RAB39A: variants seen among roughly 807,000 people sequenced by gnomAD.
RAB39A encodes RAB39A, member RAS oncogene family.
Under a neutral mutation model 20.9 loss-of-function variants are expected in RAB39A, and 17 were observed. The observed-to-expected ratio is 0.81, with a 90% CI of 0.56 to 1.22. RAB39A has a LOEUF of 1.22. Among genes scored for constraint, RAB39A ranks in the 50% most tolerant of loss-of-function variants. The pLI is 0.00. For missense variants in RAB39A, 234 were observed against 270.5 expected (o/e 0.87, Z 0.95); for synonymous variants, 99 against 103.4 (o/e 0.96, Z 0.26).
At chr11:107,943,940 C>T (rs1861284013) in intron 1 of RAB39A, among the ~76,000 whole-genome samples, 1 of 151,900 alleles carries the variant, frequency 6.6e-6, no homozygotes, top group Admixed American at 6.6e-5. Context: ...ACTAAAAATA[C>T]AAAAATTAGC....
In RAB39A at chr11:107,957,267, G is replaced by A. The variant is rs1443616099; in HGVS notation, c.228-4679G>A. Among the ~76,000 whole-genome samples the A allele has an allele frequency of 3.9e-5, 6 of 152,224 alleles. No individual in the cohort carries two copies. In the East Asian group the frequency reaches 1.2e-3, roughly 29 times the overall value. On this transcript the variant is annotated intron_variant, in intron 1 of 1. Coordinates refer to ENST00000320578, the MANE Select transcript of RAB39A (RefSeq NM_017516.3). ...CTAAAATCTTTAGTACATGGAGAAT[G>A]ACCAAGCAGTTGGAAGATGACAGCA...
intron 1 of RAB39A, among the ~76,000 whole-genome samples, chr11:107,929,017 G>T (rs1401130385): frequency 6.6e-6 from 1 of 151,920 alleles, no homozygotes; most frequent in African/African-American, 2.4e-5. Context: ...CATTTCCTGC[G>T]CCCCCTTTCC....
intron 1 of RAB39A, among the ~76,000 whole-genome samples, chr11:107,933,377 CTTTTTTTTTTT>C (rs71047649): frequency 1.4e-5 from 1 of 73,062 alleles, no homozygotes; most frequent in Non-Finnish European, 2.2e-5. Context: ...TTTATTCTTT[CTTTTTTTTTTT>C]TTTTTTTTTT....
rs1205451009 is a variant in RAB39A at position 107,928,893 on chromosome 11, G to A, written c.227+98G>A. On this transcript the variant is annotated intron_variant, in intron 1 of 1. Coordinates refer to ENST00000320578, the MANE Select transcript of RAB39A (RefSeq NM_017516.3). The surrounding 1 kb of genome is among the most constrained non-coding windows in gnomAD (Gnocchi z 4.9). ...GCCCCGCCGGCCCTGGTCGGGAGAGGCTCTGGCCCTTCCCTCTCGAAAGTG... is the reference window on the plus strand; with the variant it reads ...GCCCCGCCGGCCCTGGTCGGGAGAGACTCTGGCCCTTCCCTCTCGAAAGTG... The A allele has an allele frequency of 1.4e-5, 14 of 980,798 alleles. No homozygotes were observed. The Admixed American group carries it at 3.3e-4, about 23-fold the overall frequency. 60.8% of individuals were successfully genotyped at this position (980,798 alleles called of 1,614,324 possible). A position where few individuals can be genotyped will look rare whatever the true frequency, so the allele number is the denominator to read the frequency against.
chr11:107,938,590 G>A (rs534516632), intron 1 of RAB39A, among the ~76,000 whole-genome samples: 215 of 122,822 alleles, frequency 1.8e-3, no homozygotes, highest in African/African-American at 6.0e-3. Context: ...AAAAAAATTA[G>A]GTGGGCATGG....
chr11:107,941,144 AGAC>A (rs886243926), intron 1 of RAB39A, among the ~76,000 whole-genome samples: 1 of 152,200 alleles, frequency 6.6e-6, no homozygotes, highest in Admixed American at 6.6e-5. Context: ...TGATATTAAT[AGAC>A]GTAATTTGAG....
intron 1 of RAB39A, among the ~76,000 whole-genome samples, chr11:107,957,175 C>T (rs1266306365): frequency 2.0e-5 from 3 of 152,192 alleles, no homozygotes; most frequent in South Asian, 2.1e-4. Flanking sequence ...CCAGGCAGCT[C>T]ATCCAAATGG....
chr11:107,941,810 G>A (rs554690279), intron 1 of RAB39A, among the ~76,000 whole-genome samples: 49 of 152,128 alleles, frequency 3.2e-4, no homozygotes, highest in African/African-American at 1.1e-3. Flanking sequence ...AGACAGATTC[G>A]GGCCAGTCGC....
chr11:107,934,121 G>A (rs1021860106), intron 1 of RAB39A, among the ~76,000 whole-genome samples: 10 of 152,078 alleles, frequency 6.6e-5, no homozygotes, highest in Admixed American at 2.0e-4. Context: ...TATTTTAGGG[G>A]CTATTTTTAA....
At chr11:107,935,027 G>A (rs973500189) in intron 1 of RAB39A, among the ~76,000 whole-genome samples, 2 of 151,210 alleles carry the variant, frequency 1.3e-5, no homozygotes, top group South Asian at 2.1e-4. Flanking sequence ...AAATCTTCCC[G>A]GCCTTTGCCT....
At chr11:107,959,586 A>G (rs1254365071) in intron 1 of RAB39A, among the ~76,000 whole-genome samples, 2 of 152,186 alleles carry the variant, frequency 1.3e-5, no homozygotes, top group East Asian at 3.8e-4. Flanking sequence ...AAAGTTTTTC[A>G]AAAATAGCCA....
At chr11:107,959,706 A>G (rs2134975685) in intron 1 of RAB39A, among the ~76,000 whole-genome samples, 1 of 152,350 alleles carries the variant, frequency 6.6e-6, no homozygotes, top group Admixed American at 6.5e-5. Flanking sequence ...TATTTATGGC[A>G]TCAGGGCACT....
chr11:107,953,116 A>G (rs550121480), intron 1 of RAB39A, among the ~76,000 whole-genome samples: 1 of 152,334 alleles, frequency 6.6e-6, no homozygotes, highest in South Asian at 2.1e-4. Context: ...CTTAAAATTA[A>G]CAGTGCTGTA....
intron 1 of RAB39A, among the ~76,000 whole-genome samples, chr11:107,934,929 CAAAAAAAAAAAAA>C (rs55682157): frequency 3.9e-5 from 4 of 101,640 alleles, no homozygotes; most frequent in African/African-American, 1.5e-4. Flanking sequence ...GACTTCGTCT[CAAAAAAAAAAAAA>C]AAAAAAAAAT....
chr11:107,934,535 AC>A (rs950514172), intron 1 of RAB39A, among the ~76,000 whole-genome samples: 12 of 152,192 alleles, frequency 7.9e-5, no homozygotes, highest in Non-Finnish European at 1.6e-4. Flanking sequence ...TTTGAGCAGA[AC>A]CACTAAATAC....
At position 107,961,984 on chromosome 11, in the gene RAB39A, G is replaced by C; in HGVS notation, c.266G>C (p.Gly89Ala). 1 of 1,613,078 alleles carries C rather than the reference G, an allele frequency of 6.2e-7. No individual in the cohort carries two copies. Among genetic ancestry groups the C allele is most frequent in the East Asian group, 2.2e-5 (1 of 44,834 alleles). The change falls in exon 2 of 2, where the codon GGA (glycine) becomes GCA (alanine). Residue 89 changes from glycine (G) to alanine (A), a missense_variant. Physicochemically the swap from Gly to Ala is moderately conservative, Grantham distance 60 (BLOSUM62 0). Coordinates refer to ENST00000320578, the MANE Select transcript of RAB39A (RefSeq NM_017516.3). ...TRSYYRNSVGGFLVFDITNRR... is the reference protein window; with the variant it reads ...TRSYYRNSVGAFLVFDITNRR... ...TCTTATTACCGCAACTCAGTTGGTG[G>C]ATTTTTAGTATTTGACATTACTAAC...
At chr11:107,933,748 C>T (rs1297630894) in intron 1 of RAB39A, among the ~76,000 whole-genome samples, 1 of 150,832 alleles carries the variant, frequency 6.6e-6, no homozygotes, top group East Asian at 1.9e-4. Context: ...GCAACCTCTG[C>T]CTTCCAGGTC....
intron 1 of RAB39A, among the ~76,000 whole-genome samples, chr11:107,945,016 C>T (rs1223292253): frequency 6.6e-6 from 1 of 151,606 alleles, no homozygotes; most frequent in Non-Finnish European, 1.5e-5. Context: ...AACGCCATCT[C>T]TACTAAAGAT....
intron 1 of RAB39A, among the ~76,000 whole-genome samples, chr11:107,939,455 A>G (rs1462367962): frequency 1.3e-5 from 2 of 150,904 alleles, no homozygotes; most frequent in Non-Finnish European, 3.0e-5. Flanking sequence ...AAATACAAAA[A>G]AAAAAAAAAA....
Sources: allele counts gnomAD v4.1 joint callset (sites outside exome capture counted in the v4.1 genomes callset), GRCh38; gene constraint gnomAD v4.1.1; non-coding constraint Gnocchi (gnomAD v3.1); transcripts MANE v1.5; gene names NCBI Gene and HGNC (gene_info 2026-07-23, HGNC 2026-07-21).